Variants in MARCHF1 observed in about 807,000 individuals in gnomAD.
The protein encoded by MARCHF1 is E3 ubiquitin-protein ligase MARCHF1.
MARCHF1 carries 40 observed loss-of-function variants against 54.2 expected under a neutral mutation model. The observed-to-expected ratio is 0.74, with a 90% CI of 0.57 to 0.96. The LOEUF (loss-of-function observed/expected upper bound fraction) is 0.96. Among genes scored for constraint, MARCHF1 ranks in the 40% least tolerant of loss-of-function variants. MARCHF1 has a pLI of 0.00. For synonymous variants in MARCHF1, 236 were observed against 236.3 expected (o/e 1.00, Z 0.01); for missense variants, 586 against 656.5 (o/e 0.89, Z 1.17).
intron 1 of MARCHF1, among the ~76,000 whole-genome samples, chr4:164,118,903 A>T (rs1364066665): frequency 2.0e-5 from 3 of 151,542 alleles, no homozygotes; most frequent in African/African-American, 4.8e-5. Context: ...CACAACTACC[A>T]TTAAAAATTA....
chr4:164,116,598 T>G (rs1055328880), intron 1 of MARCHF1, among the ~76,000 whole-genome samples: 1 of 151,248 alleles, frequency 6.6e-6, no homozygotes, highest in African/African-American at 2.5e-5. Context: ...AAATTTAAAT[T>G]TAAGTAGTTA....
At chr4:164,053,717 C>T (rs1754422540) in intron 2 of MARCHF1, among the ~76,000 whole-genome samples, 1 of 152,118 alleles carries the variant, frequency 6.6e-6, no homozygotes, top group Non-Finnish European at 1.5e-5. Flanking sequence ...TTCATTCAAC[C>T]TCCTTTTCTA....
chr4:163,583,586 T>C (rs1177979606), intron 8 of MARCHF1: 4 of 151,788 alleles, frequency 2.6e-5, no homozygotes, highest in Non-Finnish European at 5.9e-5. Flanking sequence ...CAACAGATAG[T>C]AGGTACATAG....
At chr4:164,122,394 A>ATAAGTGGTTCTG (rs1756086988) in intron 1 of MARCHF1, among the ~76,000 whole-genome samples, 1 of 152,156 alleles carries the variant, frequency 6.6e-6, no homozygotes, top group Non-Finnish European at 1.5e-5. Context: ...ATAATGTTCA[A>ATAAGTGGTTCTG]GATGGCGGCT....
intron 8 of MARCHF1, among the ~76,000 whole-genome samples, chr4:163,560,874 T>TG (rs1290572710): frequency 2.0e-5 from 3 of 152,204 alleles, no homozygotes; most frequent in Non-Finnish European, 4.4e-5. Context: ...GCTTACATCC[T>TG]GCAATCTTGC....
chr4:163,809,671 C>T (rs866832757), intron 4 of MARCHF1, among the ~76,000 whole-genome samples: 13 of 151,998 alleles, frequency 8.6e-5, no homozygotes, highest in African/African-American at 3.1e-4. Flanking sequence ...GTCTACTTTC[C>T]TTTTTTATAA....
chr4:164,247,639 A>C (rs1732994137), intron 1 of MARCHF1, among the ~76,000 whole-genome samples: 1 of 142,822 alleles, frequency 7.0e-6, no homozygotes, highest in Non-Finnish European at 1.5e-5. Flanking sequence ...AGAAAAAAAG[A>C]AAGTAAAAAA....
At chr4:163,651,877 A>C (rs1201965090) in intron 5 of MARCHF1, among the ~76,000 whole-genome samples, 5 of 151,262 alleles carry the variant, frequency 3.3e-5, no homozygotes, top group African/African-American at 1.2e-4. Context: ...GATTATTTTC[A>C]ATGCTACTCC....
chr4:163,555,233 T>C (rs149192560), intron 8 of MARCHF1, among the ~76,000 whole-genome samples: 1,676 of 152,296 alleles, frequency 0.011, 34 homozygotes, highest in African/African-American at 0.039. Flanking sequence ...CAGATTTATA[T>C]CTGGGGGTGT....
At chr4:164,382,317 G>GA (rs200239605) in intron 1 of MARCHF1, among the ~76,000 whole-genome samples, 1,667 of 151,600 alleles carry the variant, frequency 0.011, 26 homozygotes, top group African/African-American at 0.038. Flanking sequence ...TATCTTTAAA[G>GA]AAAAAAAATC....
At chr4:163,789,876 T>TAG (rs1747727042) in intron 4 of MARCHF1, among the ~76,000 whole-genome samples, 1 of 152,122 alleles carries the variant, frequency 6.6e-6, no homozygotes, top group Non-Finnish European at 1.5e-5. Context: ...CAGAATGCCA[T>TAG]AGTTCAATAT....
chr4:164,141,975 G>C (rs1013099272), intron 1 of MARCHF1, among the ~76,000 whole-genome samples: 3 of 152,170 alleles, frequency 2.0e-5, no homozygotes, highest in Non-Finnish European at 2.9e-5. Flanking sequence ...CACCGTGAGC[G>C]AGCCAAAGTA....
At chr4:163,752,955 G>T (rs1274227595) in intron 4 of MARCHF1, among the ~76,000 whole-genome samples, 2 of 152,126 alleles carry the variant, frequency 1.3e-5, no homozygotes, top group East Asian at 3.8e-4. Context: ...CAGTAACACT[G>T]AAGGTATGCA....
intron 1 of MARCHF1, among the ~76,000 whole-genome samples, chr4:164,193,806 A>C (rs1051652445): frequency 1.3e-5 from 2 of 152,222 alleles, no homozygotes; most frequent in Non-Finnish European, 2.9e-5. Context: ...TCAGACCAAT[A>C]GTCCAATGTT....
chr4:164,294,546 C>T (rs1481928350), intron 1 of MARCHF1, among the ~76,000 whole-genome samples: 1 of 152,178 alleles, frequency 6.6e-6, no homozygotes, highest in Admixed American at 6.5e-5. Flanking sequence ...ACGTTTTCTA[C>T]ATTTCTCTCT....
At chr4:164,238,859 A>C (rs1732643992) in intron 1 of MARCHF1, among the ~76,000 whole-genome samples, 1 of 151,942 alleles carries the variant, frequency 6.6e-6, no homozygotes, top group South Asian at 2.1e-4. Flanking sequence ...CTATTTTTAA[A>C]ATGTCTTATG....
chr4:164,331,260 C>A (rs1247682648), intron 1 of MARCHF1, among the ~76,000 whole-genome samples: 1 of 151,622 alleles, frequency 6.6e-6, no homozygotes, highest in Non-Finnish European at 1.5e-5. Flanking sequence ...AAATAAGTTA[C>A]ATTAAAAAAA....
At chr4:163,777,661 G>A (rs1006588023) in intron 4 of MARCHF1, among the ~76,000 whole-genome samples, 1 of 152,020 alleles carries the variant, frequency 6.6e-6, no homozygotes, top group East Asian at 1.9e-4. Context: ...ATTTTTAGGG[G>A]TATAAAGATA....
chr4:163,782,859 G>A lies in MARCHF1; in HGVS notation c.111+71162C>T, dbSNP rs112076316. On this transcript the variant is annotated intron_variant, in intron 4 of 9. Coordinates refer to ENST00000514618, the MANE Select transcript of MARCHF1 (RefSeq NM_001394959.1). ...GGATTTAGAATTTTGGTCTCCATTG[G>A]GCTTGCAAAAGAATTTCAGAATTGG... 3.5e-3 allele frequency among the ~76,000 whole-genome samples: 529 copies of A among 152,006 alleles called. 8 individuals are homozygous for A. The highest frequency in any genetic ancestry group is 0.012 in the African/African-American group (493 of 41,428).
Sources: allele counts gnomAD v4.1 joint callset (sites outside exome capture counted in the v4.1 genomes callset), GRCh38; gene constraint gnomAD v4.1.1; transcripts MANE v1.5; gene names NCBI Gene and HGNC (gene_info 2026-07-23, HGNC 2026-07-21).